The following SIGLEC9 variants were observed in gnomAD, a reference collection of about 807,000 sequenced individuals.
The protein encoded by SIGLEC9 is sialic acid binding Ig like lectin 9, also known as sialic acid-binding Ig-like lectin 9.
SIGLEC9 carries 26 observed loss-of-function variants against 38.3 expected under a neutral mutation model. The observed-to-expected ratio is 0.68, with a 90% CI of 0.50 to 0.94. The LOEUF (loss-of-function observed/expected upper bound fraction) is 0.94. Among genes scored for constraint, SIGLEC9 ranks in the 40% least tolerant of loss-of-function variants. The pLI, the probability that SIGLEC9 is intolerant of heterozygous loss-of-function variation, is 0.00. For missense variants in SIGLEC9, 556 were observed against 585.7 expected (o/e 0.95, Z 0.52); for synonymous variants, 236 against 248.0 (o/e 0.95, Z 0.45).
chr19:51,124,254 C>T (rs371208808), upstream of SIGLEC9, among the ~76,000 whole-genome samples: 5 of 152,170 alleles, frequency 3.3e-5, 1 homozygote, highest in South Asian at 6.2e-4. Flanking sequence ...GTGTCCTTGG[C>T]GTGTATCAAC....
chr19:51,135,613 T>C (rs2092037665), intron 6 of SIGLEC9, among the ~76,000 whole-genome samples: 1 of 152,216 alleles, frequency 6.6e-6, no homozygotes, highest in Non-Finnish European at 1.5e-5. Context: ...TGAATTTATA[T>C]GTCAACCTCT....
chr19:51,135,171 T>C (rs914675855), downstream of SIGLEC9, among the ~76,000 whole-genome samples: 1 of 152,252 alleles, frequency 6.6e-6, no homozygotes, highest in Non-Finnish European at 1.5e-5. Flanking sequence ...CAGTGGGTTA[T>C]ACACTTAACC....
At position 51,127,233 on chromosome 19, in the gene SIGLEC9, T is replaced by G. The variant is rs764547640; in HGVS notation, c.952T>G (p.Phe318Val). ...PWVHLRDAAEFTCRAQNPLGS... is the reference protein window; with the variant it reads ...PWVHLRDAAEVTCRAQNPLGS... ...GGTGCACCTGAGGGATGCAGCTGAATTCACCTGCAGAGCTCAGAACCCTCT... is the reference window on the plus strand; with the variant it reads ...GGTGCACCTGAGGGATGCAGCTGAAGTCACCTGCAGAGCTCAGAACCCTCT... Residue 318 changes from phenylalanine (F) to valine (V), a missense_variant, in exon 4 of 7, where the codon TTC (phenylalanine) becomes GTC (valine). Coordinates refer to ENST00000250360, the MANE Select transcript of SIGLEC9 (RefSeq NM_014441.3). 5 of 1,614,196 alleles carry G rather than the reference T, an allele frequency of 3.1e-6. No homozygotes were observed. The highest frequency in any genetic ancestry group is 3.3e-5 in the Admixed American group (2 of 60,012).
downstream of SIGLEC9, among the ~76,000 whole-genome samples, chr19:51,134,540 C>A (rs1489959256): frequency 2.0e-5 from 3 of 152,128 alleles, no homozygotes; most frequent in African/African-American, 7.2e-5. Flanking sequence ...CAAATAAAAT[C>A]TATGTATTTT....
upstream of SIGLEC9, chr19:51,122,896 G>C (rs1013024061): frequency 1.3e-4 from 20 of 152,664 alleles, no homozygotes; most frequent in African/African-American, 4.8e-4. The surrounding 1 kb of genome is among the most constrained non-coding windows in gnomAD (Gnocchi z 4.1). Flanking sequence ...GGCTGGGACG[G>C]AGGAGCATTG....
rs1424567003 is a variant in SIGLEC9, at chr19:51,130,085, T to C, written c.*6T>C. ...AGATCAAGATCCACAGATGAGAAAC[T>C]GCAGAGACTCACCCTGATTGAGGGA... On this transcript the variant is annotated 3_prime_UTR_variant, in exon 7 of 7. Transcript: ENST00000250360. 1 of 1,605,486 alleles carries C rather than the reference T, an allele frequency of 6.2e-7. No homozygotes were observed. Among genetic ancestry groups the C allele is most frequent in the East Asian group, 2.2e-5 (1 of 44,758 alleles).
chr19:51,130,316 C>T, downstream of SIGLEC9: 1 of 697,262 alleles, frequency 1.4e-6, no homozygotes, highest in Admixed American at 4.2e-5. Context: ...TCCTACCTCT[C>T]TGTACCTTGG....
upstream of SIGLEC9, among the ~76,000 whole-genome samples, chr19:51,121,864 A>G (rs995341547): frequency 3.3e-5 from 5 of 152,072 alleles, no homozygotes; most frequent in African/African-American, 1.2e-4. Flanking sequence ...CTGGGGTTAC[A>G]GATCTGAGCC....
chr19:51,133,929 A>G (rs2092029697), downstream of SIGLEC9, among the ~76,000 whole-genome samples: 1 of 152,152 alleles, frequency 6.6e-6, no homozygotes, highest in East Asian at 1.9e-4. Flanking sequence ...AATAGCTTGA[A>G]TAAATTTTGA....
chr19:51,134,152 T>TC (rs1271031620), downstream of SIGLEC9, among the ~76,000 whole-genome samples: 2 of 118,214 alleles, frequency 1.7e-5, no homozygotes, highest in South Asian at 2.9e-4. Flanking sequence ...CTTTTCTTTT[T>TC]TTTTTTTTTT....
chr19:51,128,933 G>T, intron 6 of SIGLEC9: 1 of 171,910 alleles, frequency 5.8e-6, no homozygotes. Flanking sequence ...GGGCCACACA[G>T]TCTCATTGCA....
chr19:51,133,077 G>A (rs1710352), downstream of SIGLEC9, among the ~76,000 whole-genome samples: 2,558 of 151,776 alleles, frequency 0.017, 70 homozygotes, highest in African/African-American at 0.057. Flanking sequence ...AGTTGGTTCT[G>A]AAATTTATAT....
chr19:51,127,531 A>G (rs1410903384), intron 4 of SIGLEC9, among the ~76,000 whole-genome samples: 3 of 152,124 alleles, frequency 2.0e-5, no homozygotes, highest in Non-Finnish European at 4.4e-5. Flanking sequence ...GGGGCCGGAC[A>G]GGTGTGTTTA....
Position 51,124,948 on chromosome 19 carries a change from G to A in SIGLEC9, c.-27G>A, listed in dbSNP as rs755698297. On this transcript the variant is annotated 5_prime_UTR_variant, in exon 1 of 7. Transcript: ENST00000250360. Reference sequence around the variant, plus strand: ...AACCCTGAGGAACAGACGTTCCCTCGCGGCCCTGGCACCTCTAACCCCAGA... The same window carrying A: ...AACCCTGAGGAACAGACGTTCCCTCACGGCCCTGGCACCTCTAACCCCAGA... 5 of 1,577,636 alleles carry A rather than the reference G, an allele frequency of 3.2e-6. No homozygotes were observed. The highest frequency in any genetic ancestry group is 2.2e-5 in the East Asian group (1 of 44,724).
chr19:51,129,182 A>G (rs60190145), intron 6 of SIGLEC9, among the ~76,000 whole-genome samples: 10,068 of 143,112 alleles, frequency 0.07, 1,701 homozygotes, highest in African/African-American at 0.28. Context: ...TTTTTGAGAC[A>G]GAGTCTTGCT....
At chr19:51,126,352 G>C (rs2091979539) in intron 3 of SIGLEC9, among the ~76,000 whole-genome samples, 1 of 150,216 alleles carries the variant, frequency 6.7e-6, no homozygotes, top group African/African-American at 2.5e-5. Flanking sequence ...AACAAGAAGA[G>C]GGTGGCATTC....
At chr19:51,123,530 T>C (rs180942010), upstream of SIGLEC9, among the ~76,000 whole-genome samples, 19 of 152,254 alleles carry the variant, frequency 1.2e-4, 1 homozygote, top group East Asian at 3.7e-3. Context: ...TGGGCAAACA[T>C]GGGGGCCTGA....
chr19:51,128,119 C>A, intron 5 of SIGLEC9, 80 bp downstream of exon 5: 1 of 1,144,664 alleles, frequency 8.7e-7, no homozygotes, highest in Non-Finnish European at 1.3e-6. Context: ...GAAGCCAGAG[C>A]TGGAGGGACC....
chr19:51,126,085 G>A lies in SIGLEC9; in HGVS notation c.705G>A (p.Pro235=), dbSNP rs146162797. Residue 235 remains proline, a synonymous_variant, in exon 3 of 7, where the codon CCG becomes CCA. Coordinates refer to ENST00000250360, the MANE Select transcript of SIGLEC9 (RefSeq NM_014441.3). ...CTCCATGTCTTTCTGTCCCAGACCCGCCTCAGAACTTGACCATGACTGTCT... is the reference window on the plus strand; with the variant it reads ...CTCCATGTCTTTCTGTCCCAGACCCACCTCAGAACTTGACCATGACTGTCT... ...NKTVHLNVSY[P]PQNLTMTVFQ... 6.8e-6 allele frequency: 11 copies of A among 1,614,002 alleles called. No individual in the cohort carries two copies. The highest frequency in any genetic ancestry group is 1.7e-5 in the Admixed American group (1 of 60,024).
Sources: allele counts gnomAD v4.1 joint callset (sites outside exome capture counted in the v4.1 genomes callset), GRCh38; gene constraint gnomAD v4.1.1; non-coding constraint Gnocchi (gnomAD v3.1); transcripts MANE v1.5; gene names NCBI Gene and HGNC (gene_info 2026-07-23, HGNC 2026-07-21).